ATRIP: variants seen among roughly 807,000 people sequenced by gnomAD.
ATRIP encodes the protein ATR interacting protein.
A neutral mutation model predicts 78.1 loss-of-function variants in ATRIP; 44 were observed. The observed-to-expected ratio is 0.56, with a 90% CI of 0.44 to 0.72. ATRIP has a LOEUF of 0.72. Among genes scored for constraint, ATRIP ranks in the 30% least tolerant of loss-of-function variants. The probability of loss-of-function intolerance (pLI) is 0.00; values close to 1 mark genes in which losing one functional copy is unlikely to be tolerated. For synonymous variants in ATRIP, 388 were observed against 408.9 expected (o/e 0.95, Z 0.62); for missense variants, 927 against 980.2 (o/e 0.95, Z 0.72).
At position 48,466,944 on chromosome 3, in the gene ATRIP, C is replaced by T. The variant is rs763817243; in HGVS notation, c.*1390C>T. The T allele has an allele frequency of 3.1e-6, 5 of 1,611,718 alleles. No individual in the cohort carries two copies. The South Asian group carries it at 3.3e-5, about 11-fold the overall frequency. ...CACAGCTGTGCTGGCAGCGCATGGG[C>T]GTCAATGTTTTGATGACAACCTGGC... On this transcript the variant is annotated 3_prime_UTR_variant, in exon 13 of 13. Transcript: ENST00000320211.
intron 8 of ATRIP, among the ~76,000 whole-genome samples, chr3:48,463,070 T>C (rs1303930962): frequency 6.6e-6 from 1 of 152,170 alleles, no homozygotes; most frequent in Non-Finnish European, 1.5e-5. Flanking sequence ...TGTTTCAGAA[T>C]TGCCCTCCTC....
chr3:48,449,911 C>G, intron 1 of ATRIP, 126 bp from the exon 2 acceptor site: 1 of 1,056,130 alleles, frequency 9.5e-7, no homozygotes, highest in Non-Finnish European at 1.4e-6. Context: ...GCACTCCAAC[C>G]TGGGTAACAG....
At chr3:48,460,940 G>A in intron 8 of ATRIP, 141 bp downstream of exon 8, 2 of 810,094 alleles carry the variant, frequency 2.5e-6, no homozygotes, top group Non-Finnish European at 3.7e-6. Flanking sequence ...GAGTTCTGAA[G>A]TGATGGGAAG....
At chr3:48,455,098 A>G (rs1283225584) in intron 4 of ATRIP, among the ~76,000 whole-genome samples, 1 of 152,114 alleles carries the variant, frequency 6.6e-6, no homozygotes, top group Non-Finnish European at 1.5e-5. Flanking sequence ...CCTGGACTCA[A>G]ATGATTTGCC....
intron 9 of ATRIP, 45 bp downstream of exon 9, chr3:48,463,926 A>C: frequency 4.4e-6 from 7 of 1,601,734 alleles, no homozygotes; most frequent in Non-Finnish European, 5.1e-6. Flanking sequence ...CTGCAGATCA[A>C]GGGAAGGGTT....
Position 48,463,887 on chromosome 3 carries a change from G to A in ATRIP, c.1882+6G>A. The stretch of plus-strand genomic sequence containing the variant: ...TCAGCTCTGTTCCCACTCAGGTAAA[G>A]CAGGGTGGGGCGGGCGTCTAGACTG... On this transcript the variant is annotated splice_donor_region_variant and intron_variant, in intron 9 of 12. Coordinates refer to ENST00000320211, the MANE Select transcript of ATRIP (RefSeq NM_130384.3). 1 of 1,614,120 alleles carries A rather than the reference G, an allele frequency of 6.2e-7. No individual in the cohort carries two copies. Among genetic ancestry groups the A allele is most frequent in the Non-Finnish European group, 8.5e-7 (1 of 1,180,032 alleles).
Position 48,460,335 on chromosome 3 carries a change from C to T in ATRIP, c.1281C>T (p.Ile427=), listed in dbSNP as rs770754657. Residue 427 remains isoleucine (I), a synonymous_variant, in exon 8 of 13, where the codon ATC becomes ATT. Transcript: ENST00000320211. ...VHFLPLVQFF[I]GLHCQALQDL... ...TCCTCCCCCTTGTACAGTTCTTCAT[C>T]GGCTTACACTGCCAGGCCCTGCAGG... is the stretch of plus-strand genomic sequence containing the variant. The T allele has an allele frequency of 1.8e-5, 29 of 1,613,114 alleles. No homozygotes were observed. The East Asian group carries it at 4.7e-4, about 26-fold the overall frequency.
chr3:48,447,142 A>G (rs1407169779), intron 1 of ATRIP, 50 bp downstream of exon 1: 2 of 1,431,466 alleles, frequency 1.4e-6, no homozygotes. Context: ...CAACCGCGCC[A>G]GATCCCCTTG....
intron 8 of ATRIP, among the ~76,000 whole-genome samples, chr3:48,461,832 G>T (rs2040122401): frequency 6.6e-6 from 1 of 152,146 alleles, no homozygotes; most frequent in African/African-American, 2.4e-5. Flanking sequence ...AGCCTCCTGA[G>T]ACGCTGAGAT....
rs1023748598 is a variant in ATRIP at position 48,466,388 on chromosome 3, G to A, written c.*834G>A. 6.5e-7 allele frequency: 1 copy of A among 1,535,024 alleles called. No homozygotes were observed. Among genetic ancestry groups the A allele is most frequent in the Non-Finnish European group, 8.9e-7 (1 of 1,117,726 alleles). On this transcript the variant is annotated 3_prime_UTR_variant, in exon 13 of 13. Transcript: ENST00000320211. The stretch of plus-strand genomic sequence containing the variant: ...CCCACCCCAGACTAAGGGGGCACTA[G>A]GGGAGGGGCCGAGTCATGTGAAGAG...
intron 4 of ATRIP, 97 bp downstream of exon 4, chr3:48,454,515 C>A: frequency 1.2e-6 from 1 of 814,524 alleles, no homozygotes; most frequent in Non-Finnish European, 2.0e-6. Context: ...GCCATTTAGA[C>A]CCCTCCACCT....
Position 48,464,027 on chromosome 3 carries a change from G to T in ATRIP, c.1883-14G>T. On this transcript the variant is annotated splice_polypyrimidine_tract_variant and intron_variant, in intron 9 of 12. Transcript: ENST00000320211. ...AAAGGGCACCCTGAGTGAGAGGTGC[G>T]CTGTCCTTTTCAGAAGGCTGCCTCC... 6.2e-7 allele frequency: 1 copy of T among 1,611,754 alleles called. No homozygotes were observed. The highest frequency in any genetic ancestry group is 8.5e-7 in the Non-Finnish European group (1 of 1,178,748).
chr3:48,446,788 G>T lies in ATRIP; in HGVS notation c.-58G>T, dbSNP rs72622933. 10 of 1,354,234 alleles carry T rather than the reference G, an allele frequency of 7.4e-6. No individual in the cohort carries two copies. Among genetic ancestry groups the T allele is most frequent in the Non-Finnish European group, 8.6e-6 (9 of 1,051,218 alleles). 83.9% of individuals were successfully genotyped at this position (1,354,234 alleles called of 1,614,324 possible). ...CGCGGACGGTTGGTCCAGTTCTCCGGCCTGGCGGCAGGCAAGTCTAGCTCG... is the reference window on the plus strand; with the variant it reads ...CGCGGACGGTTGGTCCAGTTCTCCGTCCTGGCGGCAGGCAAGTCTAGCTCG... On this transcript the variant is annotated 5_prime_UTR_variant, in exon 1 of 13. Transcript: ENST00000320211.
In ATRIP at chr3:48,460,622, C is replaced by T; in HGVS notation, c.1568C>T (p.Thr523Ile). The T allele has an allele frequency of 6.2e-7, 1 of 1,614,150 alleles. No individual in the cohort carries two copies. Among genetic ancestry groups the T allele is most frequent in the South Asian group, 1.1e-5 (1 of 91,086 alleles). ...LVHRLSDGDMTSALRGVADDQ... is the reference protein window; with the variant it reads ...LVHRLSDGDMISALRGVADDQ... ...CACAGGCTTAGTGATGGAGATATGA[C>T]CTCAGCCCTAAGGGGGGTTGCTGAT... The change falls in exon 8 of 13, where the codon ACC becomes ATC. Residue 523 changes from threonine (T) to isoleucine (I), a missense_variant. Coordinates refer to ENST00000320211, the MANE Select transcript of ATRIP (RefSeq NM_130384.3).
intron 1 of ATRIP, among the ~76,000 whole-genome samples, chr3:48,448,854 C>T (rs533823658): frequency 2.0e-5 from 3 of 152,304 alleles, no homozygotes; most frequent in East Asian, 3.9e-4. Flanking sequence ...TTCTTAATCA[C>T]AGTTGTAATT....
At position 48,459,465 on chromosome 3, in the gene ATRIP, C is replaced by CCCTGCTTCTCCTGCAGGG; in HGVS notation, c.925+12_925+29dup. 6 of 1,610,118 alleles carry CCCTGCTTCTCCTGCAGGG rather than the reference C, an allele frequency of 3.7e-6. No individual in the cohort carries two copies. The South Asian group carries it at 6.6e-5, about 18-fold the overall frequency. ...GATCAAACACTCAAGGTACCAGAATCCCTGCTTCTCCTGCAGGGGCCTGCA... is the reference window on the plus strand; with the variant it reads ...GATCAAACACTCAAGGTACCAGAATCCCTGCTTCTCCTGCAGGGCCTGCTTCTCCTGCAGGGGCCTGCA... On this transcript the variant is annotated intron_variant, in intron 6 of 12. Coordinates refer to ENST00000320211, the MANE Select transcript of ATRIP (RefSeq NM_130384.3).
chr3:48,454,488 G>C, intron 4 of ATRIP, 70 bp downstream of exon 4: 2 of 1,242,940 alleles, frequency 1.6e-6, no homozygotes, highest in Non-Finnish European at 2.3e-6. Context: ...ACAGTGTCAG[G>C]CTGGTCCTAA....
chr3:48,464,264 A>T, intron 10 of ATRIP, 132 bp downstream of exon 10: 2 of 861,242 alleles, frequency 2.3e-6, no homozygotes, highest in Non-Finnish European at 3.6e-6. Flanking sequence ...AAAGCAACTA[A>T]AGAGGTAAAC....
chr3:48,464,257 G>A (rs2040204416), intron 10 of ATRIP, 125 bp downstream of exon 10: 2 of 904,892 alleles, frequency 2.2e-6, no homozygotes, highest in Middle Eastern at 2.4e-4. Context: ...AGTTGATAAA[G>A]CAACTAAAGA....
Sources: allele counts gnomAD v4.1 joint callset (sites outside exome capture counted in the v4.1 genomes callset), GRCh38; gene constraint gnomAD v4.1.1; transcripts MANE v1.5; gene names NCBI Gene and HGNC (gene_info 2026-07-23, HGNC 2026-07-21).